Variants in SDK1 observed in about 807,000 individuals in gnomAD.
SDK1 encodes protein sidekick-1.
A neutral mutation model predicts 245.5 loss-of-function variants in SDK1; 157 were observed. That is an observed-to-expected ratio of 0.64 (90% CI 0.56 to 0.73). SDK1 has a LOEUF of 0.73. Among genes scored for constraint, SDK1 ranks in the 30% least tolerant of loss-of-function variants. SDK1 has a pLI of 0.00. For synonymous variants in SDK1, 1,647 were observed against 1,278.5 expected (o/e 1.29, Z -6.15); for missense variants, 3,583 against 3,002.3 (o/e 1.19, Z -4.52).
chr7:4,211,524 C>T (rs1302956599), intron 38 of SDK1, among the ~76,000 whole-genome samples: 5 of 152,148 alleles, frequency 3.3e-5, no homozygotes, highest in Non-Finnish European at 5.9e-5. Flanking sequence ...GGGTTGCGGG[C>T]AGGTGGCTCT....
chr7:3,622,917 A>C (rs1322931580), intron 2 of SDK1, among the ~76,000 whole-genome samples: 1 of 152,092 alleles, frequency 6.6e-6, no homozygotes, highest in Non-Finnish European at 1.5e-5. Flanking sequence ...TCCCCATGAT[A>C]TAAAACCTGT....
intron 1 of SDK1, among the ~76,000 whole-genome samples, chr7:3,512,307 T>G (rs1369218867): frequency 6.6e-6 from 1 of 152,242 alleles, no homozygotes; most frequent in African/African-American, 2.4e-5. Context: ...ACTCACTTGT[T>G]TTCAGTGCTG....
At chr7:4,245,511 G>A (rs553155603) in intron 43 of SDK1, among the ~76,000 whole-genome samples, 165 bp from the exon 44 acceptor site, 7 of 152,316 alleles carry the variant, frequency 4.6e-5, no homozygotes, top group African/African-American at 1.4e-4. Context: ...TGACTCACCA[G>A]GTAGCCAGTG....
chr7:3,498,703 G>T lies in SDK1; in HGVS notation c.299-120377G>T, dbSNP rs1782099426. 2.0e-5 allele frequency among the ~76,000 whole-genome samples: 3 copies of T among 150,150 alleles called. No individual in the cohort carries two copies. The South Asian group carries it at 6.3e-4, about 32-fold the overall frequency. ...CTCTCTGCATATTTGTTACCGGAAT[G>T]TCTCAGAATGTTGCCTGTAGGCCTC... On this transcript the variant is annotated intron_variant, in intron 1 of 44. Coordinates refer to ENST00000404826, the MANE Select transcript of SDK1 (RefSeq NM_152744.4).
rs1178738838 is a variant in SDK1, at chr7:4,026,503, C to A, written c.2602+9151C>A. Among the ~76,000 whole-genome samples the A allele has an allele frequency of 6.6e-6, 1 of 152,202 alleles. No homozygotes were observed. Among genetic ancestry groups the A allele is most frequent in the African/African-American group, 2.4e-5 (1 of 41,448 alleles). ...CAGCCTGCCAGGGCCTGCGGGCTCT[C>A]CCCACGTGCTGTGCCCCCACCCCAG... On this transcript the variant is annotated intron_variant, in intron 17 of 44. Transcript: ENST00000404826. The surrounding 1 kb of genome is among the most constrained non-coding windows in gnomAD (Gnocchi z 4.1).
intron 5 of SDK1, among the ~76,000 whole-genome samples, chr7:3,903,546 T>C (rs1338352497): frequency 6.6e-6 from 1 of 152,180 alleles, no homozygotes; most frequent in Non-Finnish European, 1.5e-5. Flanking sequence ...GTACAGCTGC[T>C]GTGGAAAAGA....
chr7:4,019,896 C>T (rs1786739300), intron 17 of SDK1, among the ~76,000 whole-genome samples: 2 of 152,150 alleles, frequency 1.3e-5, no homozygotes, highest in Non-Finnish European at 2.9e-5. Context: ...GGTGTGGAAA[C>T]ACAGGTGGCC....
chr7:4,091,424 C>G (rs757283011), intron 22 of SDK1, among the ~76,000 whole-genome samples: 1 of 147,484 alleles, frequency 6.8e-6, no homozygotes, highest in Non-Finnish European at 1.5e-5. Flanking sequence ...CTCACTGCAA[C>G]CTCCACCTCC....
chr7:4,229,192 G>T (rs1037038447), intron 40 of SDK1, among the ~76,000 whole-genome samples: 1 of 152,200 alleles, frequency 6.6e-6, no homozygotes, highest in Non-Finnish European at 1.5e-5. Flanking sequence ...ACAATCCACA[G>T]TTGAGAAATA....
chr7:3,802,999 C>T (rs536854418), intron 4 of SDK1, among the ~76,000 whole-genome samples: 12 of 152,268 alleles, frequency 7.9e-5, no homozygotes, highest in Non-Finnish European at 1.3e-4. Flanking sequence ...GGATTATAAT[C>T]GGTGGGTCGA....
intron 30 of SDK1, among the ~76,000 whole-genome samples, chr7:4,150,800 G>C (rs1217429942): frequency 6.6e-6 from 1 of 152,216 alleles, no homozygotes; most frequent in Non-Finnish European, 1.5e-5. Flanking sequence ...GGGTTTCAAA[G>C]AGAAGAGAAA....
intron 28 of SDK1, among the ~76,000 whole-genome samples, chr7:4,138,341 T>TG (rs1779232404): frequency 1.3e-5 from 2 of 152,334 alleles, no homozygotes; most frequent in Non-Finnish European, 2.9e-5. Context: ...TTAAAATTCA[T>TG]GCTTCTAAAG....
At chr7:3,680,327 G>A (rs1784060530) in intron 4 of SDK1, among the ~76,000 whole-genome samples, 1 of 152,190 alleles carries the variant, frequency 6.6e-6, no homozygotes, top group Non-Finnish European at 1.5e-5. Context: ...GAGGGGAGAC[G>A]GCTGGATGTG....
At chr7:3,845,235 C>T (rs921438376) in intron 5 of SDK1, among the ~76,000 whole-genome samples, 8 of 152,038 alleles carry the variant, frequency 5.3e-5, no homozygotes, top group African/African-American at 1.9e-4. Context: ...GTGGCTCACA[C>T]CTTCCCAGCA....
intron 5 of SDK1, among the ~76,000 whole-genome samples, chr7:3,924,006 C>G (rs1779684174): frequency 6.6e-6 from 1 of 152,104 alleles, no homozygotes; most frequent in Admixed American, 6.5e-5. Context: ...GACTATTTCC[C>G]TACTATTTTT....
chr7:3,401,275 T>C (rs1778880421), intron 1 of SDK1, among the ~76,000 whole-genome samples: 1 of 152,082 alleles, frequency 6.6e-6, no homozygotes. Context: ...TCAAGATGAG[T>C]TGAGCATAAT....
intron 35 of SDK1, among the ~76,000 whole-genome samples, chr7:4,205,157 A>G (rs2128226935): frequency 6.6e-6 from 1 of 152,326 alleles, no homozygotes; most frequent in African/African-American, 2.4e-5. Flanking sequence ...ACGTGAAGCC[A>G]GAGCTGGCCT....
At position 3,962,712 on chromosome 7, in the gene SDK1, C is replaced by A. The variant is rs1476855803; in HGVS notation, c.1290C>A (p.Leu430=). Residue 430 remains leucine, a synonymous_variant, in exon 9 of 45, where the codon CTC becomes CTA. Coordinates refer to ENST00000404826, the MANE Select transcript of SDK1 (RefSeq NM_152744.4). ...AGGATGCCATCTCCATCAGCAGGCT[C>A]CAGAATCCTCGATACAAAGTGCTCG... ...WYKDAISISR[L]QNPRYKVLAS... The A allele has an allele frequency of 1.2e-6, 2 of 1,613,736 alleles. No individual in the cohort carries two copies. The highest frequency in any genetic ancestry group is 2.2e-5 in the East Asian group (1 of 44,892).
At chr7:3,341,273 T>C (rs1021013337) in intron 1 of SDK1, among the ~76,000 whole-genome samples, 1 of 152,170 alleles carries the variant, frequency 6.6e-6, no homozygotes, top group African/African-American at 2.4e-5. Context: ...CATCTATCAG[T>C]TGACCTATAA....
Sources: gnomAD v4.1 joint callset for allele counts (sites outside exome capture counted in the v4.1 genomes callset) on GRCh38, gnomAD v4.1.1 for gene constraint, Gnocchi (gnomAD v3.1) non-coding constraint, MANE v1.5 for transcripts, NCBI Gene and HGNC (gene_info 2026-07-23, HGNC 2026-07-21) for gene names.